The following SFR1 variants were observed in gnomAD, a reference collection of about 807,000 sequenced individuals.
SFR1 encodes SWI5 dependent homologous recombination repair protein 1.
SFR1 carries 24 observed loss-of-function variants against 26.2 expected under a neutral mutation model. The observed-to-expected ratio is 0.92, with a 90% CI of 0.66 to 1.29. The LOEUF (loss-of-function observed/expected upper bound fraction) is 1.29. Among genes scored for constraint, SFR1 ranks in the 50% most tolerant of loss-of-function variants. The pLI, the probability that SFR1 is intolerant of heterozygous loss-of-function variation, is 0.00. For missense variants in SFR1, 276 were observed against 270.2 expected (o/e 1.02, Z -0.15); for synonymous variants, 77 against 96.6 (o/e 0.80, Z 1.19).
In SFR1 at chr10:104,124,106, C is replaced by G. The variant is rs201920289; in HGVS notation, c.528C>G (p.Val176=). 221 of 1,606,172 alleles carry G rather than the reference C, an allele frequency of 1.4e-4. 3 individuals are homozygous for G. The East Asian group carries it at 4.8e-3, about 35-fold the overall frequency. Residue 176 remains valine (V), a synonymous_variant, in exon 3 of 4, where the codon GTC becomes GTG. Coordinates refer to ENST00000369727, the MANE Select transcript of SFR1 (RefSeq NM_001002759.2). ...ACCTTCTTCGGAGGCTAAAACTAGT[C>G]AAAATGTATAGATCAAAGGTGAGAA... is the stretch of plus-strand genomic sequence containing the variant. ...KEDLLRRLKL[V]KMYRSKNDLS...
At chr10:104,120,599 A>G (rs2086951569), upstream of SFR1, among the ~76,000 whole-genome samples, 1 of 152,142 alleles carries the variant, frequency 6.6e-6, no homozygotes, top group Non-Finnish European at 1.5e-5. Context: ...GGAATGGTGA[A>G]TACACTTGCA....
chr10:104,125,317 A>G (rs1431191564), intron 3 of SFR1, among the ~76,000 whole-genome samples, 196 bp from the exon 4 acceptor site: 1 of 152,220 alleles, frequency 6.6e-6, no homozygotes, highest in African/African-American at 2.4e-5. Context: ...TAAGCCAACA[A>G]AATAGCCATA....
rs866494040 is a variant in SFR1 at position 104,122,193 on chromosome 10, G to T, written c.10G>T (p.Gly4Ter). The T allele has an allele frequency of 2.6e-6, 4 of 1,546,644 alleles. No homozygotes were observed. The highest frequency in any genetic ancestry group is 2.1e-4 in the Middle Eastern group (1 of 4,784). The change falls in exon 1 of 4, where the codon GGA becomes TGA. Residue 4 changes from glycine to a stop codon, truncating the protein, a stop_gained. Transcript: ENST00000369727. LOFTEE classifies it high-confidence loss of function. Reference sequence around the variant, plus strand: ...TTTGCTCTCGCTGGGAATGGCGGAGGGAGGTACCCTGCTGAGGGGAAGGGG... The same window carrying T: ...TTTGCTCTCGCTGGGAATGGCGGAGTGAGGTACCCTGCTGAGGGGAAGGGG... MAE[G>*]EKNQDFTFKM...
At chr10:104,121,881 G>A (rs1233816110), upstream of SFR1, among the ~76,000 whole-genome samples, 3 of 152,124 alleles carry the variant, frequency 2.0e-5, no homozygotes, top group African/African-American at 7.2e-5. Flanking sequence ...GCTGCGGATC[G>A]CGGCCGCGCG....
chr10:104,120,834 T>G (rs2086953608), upstream of SFR1, among the ~76,000 whole-genome samples: 1 of 152,218 alleles, frequency 6.6e-6, no homozygotes, highest in Non-Finnish European at 1.5e-5. Flanking sequence ...CCTCAGGTTC[T>G]GTAATTATTA....
chr10:104,125,905 A>G lies in SFR1; in HGVS notation c.*201A>G. ...CTCAGCCTCCCGAGTAGCTGAGATT[A>G]CAGGCGCCCGCCACCATGCCCGGCT... On this transcript the variant is annotated 3_prime_UTR_variant, in exon 4 of 4. Coordinates refer to ENST00000369727, the MANE Select transcript of SFR1 (RefSeq NM_001002759.2). The G allele has an allele frequency of 2.7e-6, 1 of 376,416 alleles. No individual in the cohort carries two copies. The allele number at this position is 376,416 out of a possible 1,614,324, so 23.3% of individuals were successfully genotyped here. A position where few individuals can be genotyped will look rare whatever the true frequency, so the allele number is the denominator to read the frequency against.
chr10:104,122,495 G>A (rs11191927), intron 1 of SFR1: 157,660 of 985,208 alleles, frequency 0.16, 14,866 homozygotes, highest in African/African-American at 0.42. Context: ...ATGCGTCTCC[G>A]CTGTGTTTCT....
intron 1 of SFR1, 190 bp downstream of exon 1, chr10:104,122,386 C>G: frequency 2.0e-6 from 2 of 985,432 alleles, no homozygotes; most frequent in Non-Finnish European, 2.4e-6. Context: ...TAGTTTACCC[C>G]TCAAAAGTTA....
At chr10:104,121,818 CCT>C (rs1436342162), upstream of SFR1, among the ~76,000 whole-genome samples, 1 of 152,228 alleles carries the variant, frequency 6.6e-6, no homozygotes, top group Non-Finnish European at 1.5e-5. Flanking sequence ...AGCGCGCCCC[CCT>C]CAGGATTGGT....
upstream of SFR1, chr10:104,122,156 T>C: frequency 6.5e-7 from 1 of 1,547,484 alleles, no homozygotes; most frequent in Non-Finnish European, 8.7e-7. Context: ...CGGCCGCAGG[T>C]GCGCGCGCTT....
Position 104,124,082 on chromosome 10 carries a change from C to T in SFR1, c.504C>T (p.Asp168=), listed in dbSNP as rs760882546. 1 of 1,613,126 alleles carries T rather than the reference C, an allele frequency of 6.2e-7. No homozygotes were observed. The highest frequency in any genetic ancestry group is 8.5e-7 in the Non-Finnish European group (1 of 1,179,690). ...TGAAGCAGGTTCAGGAGAAAGAAGA[C>T]CTTCTTCGGAGGCTAAAACTAGTCA... ...KLVKQVQEKE[D]LLRRLKLVKM... is the part of the protein sequence containing the mutation. The change falls in exon 3 of 4, where the codon GAC becomes GAT. Residue 168 remains aspartate, a synonymous_variant. Transcript: ENST00000369727.
chr10:104,124,050 A>G lies in SFR1; in HGVS notation c.472A>G (p.Lys158Glu). 1 of 1,614,008 alleles carries G rather than the reference A, an allele frequency of 6.2e-7. No homozygotes were observed. The highest frequency in any genetic ancestry group is 8.5e-7 in the Non-Finnish European group (1 of 1,179,938). ...ACAAAGATTAAACGCTGAAAAAGCCAAATTGGTGAAGCAGGTTCAGGAGAA... is the reference window on the plus strand; with the variant it reads ...ACAAAGATTAAACGCTGAAAAAGCCGAATTGGTGAAGCAGGTTCAGGAGAA... ...PKQRLNAEKA[K>E]LVKQVQEKED... The change falls in exon 3 of 4, where the codon AAA becomes GAA. Residue 158 changes from lysine to glutamate, a missense_variant. By Grantham distance (56) the Lys-to-Glu change is moderately conservative (BLOSUM62 1). Transcript: ENST00000369727.
At chr10:104,122,607 T>C (rs1298625834) in intron 1 of SFR1, 4 of 985,308 alleles carry the variant, frequency 4.1e-6, no homozygotes, top group Non-Finnish European at 4.8e-6. Context: ...GTTTCGGCTA[T>C]AGCTTCTTGA....
Position 104,124,142 on chromosome 10 carries a change from A to G in SFR1, c.546+18A>G, listed in dbSNP as rs957083806. 2.0e-6 allele frequency: 3 copies of G among 1,479,342 alleles called. No homozygotes were observed. The African/African-American group carries it at 4.3e-5, about 21-fold the overall frequency. The allele number at this position is 1,479,342 out of a possible 1,614,324, so 91.6% of individuals were successfully genotyped here. On this transcript the variant is annotated intron_variant, in intron 3 of 3. Transcript: ENST00000369727. ...GATCAAAGGTGAGAAGAATTTCAGG[A>G]CCATTGCATAATTTTTATTTTTACA...
At chr10:104,122,255 G>A (rs1419286548) in intron 1 of SFR1, 59 bp downstream of exon 1, 59 of 1,499,840 alleles carry the variant, frequency 3.9e-5, no homozygotes, top group Non-Finnish European at 4.6e-5. Context: ...GGAGTCGGCT[G>A]TGGAGTCGAG....
chr10:104,124,989 C>T (rs12766326), intron 3 of SFR1, among the ~76,000 whole-genome samples: 3,735 of 151,914 alleles, frequency 0.025, 70 homozygotes, highest in South Asian at 0.067. Flanking sequence ...TTTTTGTAGA[C>T]ATAGAGTCTT....
At position 104,125,549 on chromosome 10, in the gene SFR1, T is replaced by C. The variant is rs1325014195; in HGVS notation, c.583T>C (p.Trp195Arg). 2 of 1,612,658 alleles carry C rather than the reference T, an allele frequency of 1.2e-6. No homozygotes were observed. The highest frequency in any genetic ancestry group is 1.7e-6 in the Non-Finnish European group (2 of 1,179,590). Residue 195 changes from tryptophan to arginine, a missense_variant, in exon 4 of 4, where the codon TGG (tryptophan) becomes CGG (arginine). Transcript: ENST00000369727. Reference protein sequence around the residue: ...LSQLQLLIKKWRSCSQLLLYE... With the variant: ...LSQLQLLIKKRRSCSQLLLYE... ...TCAGTTACAGTTGTTAATAAAGAAG[T>C]GGAGAAGCTGTAGCCAGCTCTTGCT...
At position 104,124,094 on chromosome 10, in the gene SFR1, G is replaced by T. The variant is rs2087000134; in HGVS notation, c.516G>T (p.Arg172Ser). 6.2e-7 allele frequency: 1 copy of T among 1,609,796 alleles called. No homozygotes were observed. The highest frequency in any genetic ancestry group is 8.5e-7 in the Non-Finnish European group (1 of 1,178,732). ...AGGAGAAAGAAGACCTTCTTCGGAG[G>T]CTAAAACTAGTCAAAATGTATAGAT... ...QVQEKEDLLR[R>S]LKLVKMYRSK... Residue 172 changes from arginine (R) to serine (S), a missense_variant, in exon 3 of 4, where the codon AGG (arginine) becomes AGT (serine). Physicochemically the swap from Arg to Ser is moderately radical, Grantham distance 110. Coordinates refer to ENST00000369727, the MANE Select transcript of SFR1 (RefSeq NM_001002759.2).
At position 104,125,524 on chromosome 10, in the gene SFR1, T is replaced by A; in HGVS notation, c.558T>A (p.Ser186=). The A allele has an allele frequency of 1.9e-6, 3 of 1,610,520 alleles. No homozygotes were observed. The highest frequency in any genetic ancestry group is 2.5e-6 in the Non-Finnish European group (3 of 1,178,810). The change falls in exon 4 of 4, where the codon TCT becomes TCA. Residue 186 remains serine (S), a synonymous_variant. Transcript: ENST00000369727. ...TTTTTCTGTTTCAGAATGATCTGTCTCAGTTACAGTTGTTAATAAAGAAGT... is the reference window on the plus strand; with the variant it reads ...TTTTTCTGTTTCAGAATGATCTGTCACAGTTACAGTTGTTAATAAAGAAGT... The part of the protein sequence containing the change: ...VKMYRSKNDL[S]QLQLLIKKWR...
Sources: allele counts gnomAD v4.1 joint callset (sites outside exome capture counted in the v4.1 genomes callset), GRCh38; gene constraint gnomAD v4.1.1; transcripts MANE v1.5; gene names NCBI Gene and HGNC (gene_info 2026-07-23, HGNC 2026-07-21).